The following UBR2 variants were observed in gnomAD, a reference collection of about 807,000 sequenced individuals.
The protein encoded by UBR2 is ubiquitin protein ligase E3 component n-recognin 2, also known as E3 ubiquitin-protein ligase UBR2.
Under a neutral mutation model 247.9 loss-of-function variants are expected in UBR2, and 92 were observed. The ratio of observed to expected loss-of-function variants is 0.37; its 90% CI spans 0.31 to 0.44. The LOEUF (loss-of-function observed/expected upper bound fraction) is 0.44, where lower values mean the gene tolerates loss of function less well. UBR2 is among the 20% of genes least tolerant of loss of function. The probability of loss-of-function intolerance (pLI) is 1.00; values close to 1 mark genes in which losing one functional copy is unlikely to be tolerated. For synonymous variants in UBR2, 672 were observed against 693.5 expected (o/e 0.97, Z 0.49); for missense variants, 1,613 against 2,112.6 (o/e 0.76, Z 4.64).
intron 18 of UBR2, among the ~76,000 whole-genome samples, chr6:42,643,598 AAAAT>A (rs1315079744): frequency 1.3e-5 from 2 of 152,216 alleles, no homozygotes; most frequent in Non-Finnish European, 2.9e-5. Context: ...TCCGTCTCAA[AAAAT>A]AAATAAATAA....
intron 26 of UBR2, 40 bp from the exon 27 acceptor site, chr6:42,657,984 A>G (rs7743231): frequency 1.7e-5 from 24 of 1,445,958 alleles, no homozygotes; most frequent in Non-Finnish European, 2.2e-5. Context: ...ACTATGAAGT[A>G]TTAGCTATTG....
At chr6:42,681,162 CAAAAA>C (rs59312824) in intron 42 of UBR2, among the ~76,000 whole-genome samples, 5 of 50,588 alleles carry the variant, frequency 9.9e-5, no homozygotes, top group Admixed American at 2.2e-4. Flanking sequence ...GACTCCGTCT[CAAAAA>C]AAAAAAAAAA....
intron 1 of UBR2, among the ~76,000 whole-genome samples, chr6:42,567,376 GCT>G (rs1170275038): frequency 6.6e-6 from 1 of 152,028 alleles, no homozygotes; most frequent in East Asian, 1.9e-4. Context: ...ACACTTCTTG[GCT>G]CTGTTTACTT....
intron 18 of UBR2, among the ~76,000 whole-genome samples, 169 bp downstream of exon 18, chr6:42,642,650 A>G (rs1324170873): frequency 6.6e-6 from 1 of 152,138 alleles, no homozygotes; most frequent in Non-Finnish European, 1.5e-5. Context: ...ATTTCCATCT[A>G]TATTTCCTAG....
At chr6:42,589,003 C>A (rs1792482927) in intron 2 of UBR2, among the ~76,000 whole-genome samples, 2 of 151,472 alleles carry the variant, frequency 1.3e-5, no homozygotes, top group South Asian at 4.1e-4. Flanking sequence ...CCTTTTTTTT[C>A]TTCCAAAGAT....
At chr6:42,667,700 A>G (rs576971965) in intron 34 of UBR2, among the ~76,000 whole-genome samples, 3 of 32,178 alleles carry the variant, frequency 9.3e-5, no homozygotes, top group Non-Finnish European at 1.3e-4. Flanking sequence ...CTTGTTTTCT[A>G]TGTATTTTTT....
At position 42,638,362 on chromosome 6, in the gene UBR2, C is replaced by T. The variant is rs1326903033; in HGVS notation, c.1858+1168C>T. Reference sequence around the variant, plus strand: ...AATGATTCCTCTTTCATTCTGAAGGCATTTTTTTTCATTGTTCTGAGACCT... The same window carrying T: ...AATGATTCCTCTTTCATTCTGAAGGTATTTTTTTTCATTGTTCTGAGACCT... On this transcript the variant is annotated intron_variant, in intron 15 of 46. Transcript: ENST00000372901. 2.6e-5 allele frequency among the ~76,000 whole-genome samples: 4 copies of T among 151,324 alleles called. No individual in the cohort carries two copies. The East Asian group carries it at 7.7e-4, about 29-fold the overall frequency.
At chr6:42,665,037 G>A (rs1180545172) in intron 32 of UBR2, among the ~76,000 whole-genome samples, 3 of 152,106 alleles carry the variant, frequency 2.0e-5, no homozygotes, top group Non-Finnish European at 4.4e-5. Context: ...AAAATGTAGG[G>A]ATATTTTGAG....
intron 2 of UBR2, 41 bp from the exon 3 acceptor site, chr6:42,592,106 ATAGT>A (rs765655749): frequency 2.0e-6 from 3 of 1,502,492 alleles, no homozygotes; most frequent in Non-Finnish European, 2.7e-6. Context: ...TGTGAAATAT[ATAGT>A]TATTTTCTGA....
At chr6:42,631,928 A>G (rs1253612315) in intron 11 of UBR2, among the ~76,000 whole-genome samples, 1 of 138,538 alleles carries the variant, frequency 7.2e-6, no homozygotes, top group Admixed American at 7.4e-5. Flanking sequence ...TAAAATACAC[A>G]TACATATACC....
intron 1 of UBR2, among the ~76,000 whole-genome samples, chr6:42,570,897 G>A (rs1791082171): frequency 1.3e-5 from 2 of 151,552 alleles, no homozygotes; most frequent in Admixed American, 6.6e-5. Flanking sequence ...TATTGCCCAA[G>A]CTAGACTCGA....
chr6:42,568,048 A>C (rs77964991), intron 1 of UBR2, among the ~76,000 whole-genome samples: 1 of 152,024 alleles, frequency 6.6e-6, no homozygotes, highest in African/African-American at 2.4e-5. Flanking sequence ...CCCTGTCTTC[A>C]AAAAAAATTT....
chr6:42,620,795 T>C (rs891619794), intron 11 of UBR2, among the ~76,000 whole-genome samples: 1 of 151,262 alleles, frequency 6.6e-6, no homozygotes, highest in Non-Finnish European at 1.5e-5. Flanking sequence ...TTATAACATG[T>C]ACTAATTTTG....
In UBR2 at chr6:42,564,085, G is replaced by C. The variant is rs1462652171; in HGVS notation, c.-235G>C. 1.8e-6 allele frequency: 1 copy of C among 550,200 alleles called. No individual in the cohort carries two copies. The highest frequency in any genetic ancestry group is 3.2e-6 in the Non-Finnish European group (1 of 314,834). 34.1% of individuals were successfully genotyped at this position (550,200 alleles called of 1,614,324 possible). On this transcript the variant is annotated 5_prime_UTR_variant, in exon 1 of 47. Coordinates refer to ENST00000372901, the MANE Select transcript of UBR2 (RefSeq NM_001363705.2). ...TTTTCTGTGTCCTTCCCTGGGTCAG[G>C]GACGAGCCAGTGACTTGACTCTTGG...
chr6:42,653,331 C>A (rs1025642425), intron 25 of UBR2, among the ~76,000 whole-genome samples: 1 of 152,190 alleles, frequency 6.6e-6, no homozygotes, highest in African/African-American at 2.4e-5. Context: ...AATCCTCCCC[C>A]CTCGGCCTCC....
intron 2 of UBR2, among the ~76,000 whole-genome samples, chr6:42,578,490 T>C (rs1270671583): frequency 2.0e-5 from 3 of 152,128 alleles, no homozygotes; most frequent in Admixed American, 1.3e-4. Context: ...GGAAGTGTCT[T>C]TAGCAATGAT....
At chr6:42,640,723 GA>G (rs1200985019) in intron 16 of UBR2, among the ~76,000 whole-genome samples, 7 of 151,698 alleles carry the variant, frequency 4.6e-5, no homozygotes, top group South Asian at 2.1e-4. Context: ...CAGAGTCTAT[GA>G]TTTTTTTTTA....
At position 42,678,580 on chromosome 6, in the gene UBR2, G is replaced by C; in HGVS notation, c.4520G>C (p.Ser1507Thr). The C allele has an allele frequency of 2.5e-6, 4 of 1,613,868 alleles. No individual in the cohort carries two copies. Among genetic ancestry groups the C allele is most frequent in the Non-Finnish European group, 1.7e-6 (2 of 1,179,910 alleles). Residue 1507 changes from serine to threonine, a missense_variant, in exon 41 of 47, where the codon AGT becomes ACT. Physicochemically the swap from Ser to Thr is moderately conservative, Grantham distance 58. Around this residue, in one of 3 missense-constraint regions of UBR2, gnomAD observed 1,524 missense variants for 1,967.3 expected, o/e 0.77. Transcript: ENST00000372901. ...CCATCCGGCTGGCATCTGTGGAGGAGTGTCAGAGCTGGAATCATGCCTTTC... is the reference window on the plus strand; with the variant it reads ...CCATCCGGCTGGCATCTGTGGAGGACTGTCAGAGCTGGAATCATGCCTTTC... ...EIPSGWHLWR[S>T]VRAGIMPFLK...
chr6:42,592,670 C>A (rs1056967199), intron 3 of UBR2, among the ~76,000 whole-genome samples: 159 of 152,122 alleles, frequency 1.0e-3, no homozygotes, highest in Non-Finnish European at 1.8e-4. Context: ...TATTCCAAAT[C>A]CTGTCCTGGT....
Sources: gnomAD v4.1 joint callset for allele counts (sites outside exome capture counted in the v4.1 genomes callset) on GRCh38, gnomAD v4.1.1 for gene constraint, gnomAD v4.1.1 regional missense constraint, MANE v1.5 for transcripts, NCBI Gene and HGNC (gene_info 2026-07-23, HGNC 2026-07-21) for gene names.